Variants in PHKB observed in about 807,000 individuals in gnomAD.
PHKB encodes phosphorylase b kinase regulatory subunit beta.
A neutral mutation model predicts 152.1 loss-of-function variants in PHKB; 122 were observed. The observed-to-expected ratio is 0.80, with a 90% CI of 0.69 to 0.93. The LOEUF is 0.93. PHKB is among the 40% of genes least tolerant of loss of function. The probability of loss-of-function intolerance (pLI) is 0.00; values close to 1 mark genes in which losing one functional copy is unlikely to be tolerated. For synonymous variants in PHKB, 436 were observed against 464.9 expected (o/e 0.94, Z 0.80); for missense variants, 1,304 against 1,328.4 (o/e 0.98, Z 0.29).
chr16:47,471,779 G>C (rs1340873791), intron 1 of PHKB, among the ~76,000 whole-genome samples: 1 of 152,152 alleles, frequency 6.6e-6, no homozygotes, highest in African/African-American at 2.4e-5. Flanking sequence ...TGGTAGGTAG[G>C]TTCTAATGCA....
chr16:47,479,297 T>A (rs924702096), intron 1 of PHKB, among the ~76,000 whole-genome samples: 1 of 152,146 alleles, frequency 6.6e-6, no homozygotes, highest in African/African-American at 2.4e-5. Context: ...ATGAACAAGA[T>A]GTTAGTTTTG....
At chr16:47,576,701 A>G (rs1159843780) in intron 7 of PHKB, among the ~76,000 whole-genome samples, 1 of 152,126 alleles carries the variant, frequency 6.6e-6, no homozygotes, top group African/African-American at 2.4e-5. Context: ...TTCATTATGT[A>G]TTATAATATC....
chr16:47,490,408 T>C (rs1385114563), intron 1 of PHKB, among the ~76,000 whole-genome samples: 1 of 152,248 alleles, frequency 6.6e-6, no homozygotes, highest in Non-Finnish European at 1.5e-5. Context: ...TTTGCTAACA[T>C]ATACTTAGAC....
intron 13 of PHKB, among the ~76,000 whole-genome samples, chr16:47,604,755 G>A (rs937218283): frequency 6.6e-6 from 1 of 151,400 alleles, no homozygotes; most frequent in African/African-American, 2.4e-5. Context: ...GTGAGCCCAG[G>A]GTATATTTTA....
rs34841118 is a variant in PHKB at position 47,577,628 on chromosome 16, T to TA, written c.711-2666dup. Among the ~76,000 whole-genome samples, 1,158 of 152,252 alleles carry TA rather than the reference T, an allele frequency of 7.6e-3. 21 individuals carry two copies. The highest frequency in any genetic ancestry group is 0.026 in the African/African-American group (1,097 of 41,554). ...GATTGCTAAGTGATGTATTTACTGGTATAACTTTCTGAGTGGGTAGTTTTT... is the reference window on the plus strand; with the variant it reads ...GATTGCTAAGTGATGTATTTACTGGTAATAACTTTCTGAGTGGGTAGTTTTT... On this transcript the variant is annotated intron_variant, in intron 7 of 30. Transcript: ENST00000323584.
chr16:47,465,786 T>C (rs560079768), intron 1 of PHKB, among the ~76,000 whole-genome samples: 4 of 152,220 alleles, frequency 2.6e-5, no homozygotes, highest in Non-Finnish European at 5.9e-5. Context: ...AATACTCCAT[T>C]TATATTGGAA....
Position 47,593,555 on chromosome 16 carries a change from A to G in PHKB, c.1124A>G (p.Asp375Gly). The G allele has an allele frequency of 6.8e-7, 1 of 1,476,148 alleles. No individual in the cohort carries two copies. Among genetic ancestry groups the G allele is most frequent in the African/African-American group, 1.4e-5 (1 of 72,324 alleles). 91.4% of individuals were successfully genotyped at this position (1,476,148 alleles called of 1,614,324 possible). ...ATATTTTTCCTTTATATGATGATTG[A>G]TGGTAAGTAAGCTTTTTCCTGAAAT... ...FPIFFLYMMIDGVFRGNPKQV... is the reference protein window; with the variant it reads ...FPIFFLYMMIGGVFRGNPKQV... Residue 375 changes from aspartate (D) to glycine (G), a missense_variant and splice_region_variant, in exon 11 of 31, where the codon GAT becomes GGT. Asp to Gly is a moderately conservative substitution (Grantham distance 94). Transcript: ENST00000323584.
chr16:47,463,576 G>A, intron 1 of PHKB: 1 of 291,214 alleles, frequency 3.4e-6, no homozygotes, highest in Non-Finnish European at 6.7e-6. Context: ...CCTGACTCCA[G>A]TATAGAGTCC....
At chr16:47,532,394 C>G (rs963929888) in intron 6 of PHKB, among the ~76,000 whole-genome samples, 36 of 152,302 alleles carry the variant, frequency 2.4e-4, no homozygotes, top group Middle Eastern at 3.4e-3. Flanking sequence ...GGCCAGAAAC[C>G]TCTGTGGCCA....
intron 7 of PHKB, among the ~76,000 whole-genome samples, chr16:47,573,983 G>A (rs911728263): frequency 2.0e-5 from 3 of 152,068 alleles, no homozygotes; most frequent in South Asian, 4.1e-4. Context: ...GCAGTGGTGC[G>A]ATCTTGGCTC....
intron 14 of PHKB, among the ~76,000 whole-genome samples, chr16:47,613,411 A>C (rs1339996806): frequency 6.6e-6 from 1 of 152,054 alleles, no homozygotes; most frequent in African/African-American, 2.4e-5. Flanking sequence ...TATAGTTTTT[A>C]CTAAAGGTCG....
At chr16:47,558,662 C>G (rs1322507976) in intron 7 of PHKB, among the ~76,000 whole-genome samples, 1 of 152,180 alleles carries the variant, frequency 6.6e-6, no homozygotes, top group Non-Finnish European at 1.5e-5. Flanking sequence ...AAGTCTCCTG[C>G]CTCAGCCTCT....
At chr16:47,500,182 C>A (rs909759987) in intron 3 of PHKB, among the ~76,000 whole-genome samples, 1 of 151,984 alleles carries the variant, frequency 6.6e-6, no homozygotes, top group Non-Finnish European at 1.5e-5. Context: ...GGATTACAGG[C>A]ATGCACTACC....
At chr16:47,573,726 T>G (rs1339680108) in intron 7 of PHKB, among the ~76,000 whole-genome samples, 2 of 152,328 alleles carry the variant, frequency 1.3e-5, no homozygotes, top group East Asian at 3.9e-4. Context: ...AAAGCCTGCT[T>G]CCTGCTCACC....
chr16:47,510,132 C>T (rs558152028), intron 4 of PHKB, among the ~76,000 whole-genome samples: 6 of 152,250 alleles, frequency 3.9e-5, no homozygotes, highest in South Asian at 4.1e-4. Context: ...CATCTGTCCC[C>T]GTGGTATCTG....
intron 16 of PHKB, among the ~76,000 whole-genome samples, chr16:47,643,946 G>A (rs546743336): frequency 1.6e-4 from 24 of 152,086 alleles, no homozygotes; most frequent in Non-Finnish European, 2.2e-4. Context: ...GGGTAGTTTG[G>A]TCACTACTGT....
chr16:47,570,719 T>C (rs1026328194), intron 7 of PHKB, among the ~76,000 whole-genome samples: 1 of 152,018 alleles, frequency 6.6e-6, no homozygotes, highest in African/African-American at 2.4e-5. Context: ...TTTTCAACTT[T>C]CTCTTGGATC....
chr16:47,645,761 C>CA (rs1366042508), intron 16 of PHKB, among the ~76,000 whole-genome samples: 23 of 149,174 alleles, frequency 1.5e-4, no homozygotes, highest in African/African-American at 5.7e-4. Flanking sequence ...TTTATGCAGC[C>CA]AAAAAACACA....
chr16:47,553,922 GA>G (rs1971319261), intron 7 of PHKB, among the ~76,000 whole-genome samples: 1 of 152,180 alleles, frequency 6.6e-6, no homozygotes, highest in Non-Finnish European at 1.5e-5. Context: ...GTTTGTCCCA[GA>G]GGGGCACCCG....
Sources: allele counts gnomAD v4.1 joint callset (sites outside exome capture counted in the v4.1 genomes callset), GRCh38; gene constraint gnomAD v4.1.1; transcripts MANE v1.5; gene names NCBI Gene and HGNC (gene_info 2026-07-23, HGNC 2026-07-21).